RBFOX1: variants seen among roughly 807,000 people sequenced by gnomAD.
The protein encoded by RBFOX1 is RNA binding protein fox-1 homolog 1.
A neutral mutation model predicts 57.7 loss-of-function variants in RBFOX1; 8 were observed. That is an observed-to-expected ratio of 0.14 (90% CI 0.08 to 0.25). RBFOX1 has a LOEUF of 0.25. RBFOX1 is among the 10% of genes least tolerant of loss of function. The probability of loss-of-function intolerance (pLI) is 1.00; values close to 1 mark genes in which losing one functional copy is unlikely to be tolerated. For missense variants in RBFOX1, 611 were observed against 548.5 expected (o/e 1.11, Z -1.14); for synonymous variants, 326 against 222.4 (o/e 1.47, Z -4.15).
At chr16:6,009,247 G>T (rs1450928143) in intron 4 of RBFOX1, among the ~76,000 whole-genome samples, 2 of 152,198 alleles carry the variant, frequency 1.3e-5, no homozygotes, top group Middle Eastern at 3.4e-3. Flanking sequence ...AGCCACGATG[G>T]TACCTCATTC....
chr16:5,883,522 A>AAC (rs113756577), intron 4 of RBFOX1, among the ~76,000 whole-genome samples: 79,568 of 151,726 alleles, frequency 0.52, 22,562 homozygotes, highest in African/African-American at 0.75. Flanking sequence ...ACGGGTGGCA[A>AAC]ACCCACAGTC....
At chr16:5,622,251 G>C (rs1430631472) in intron 3 of RBFOX1, among the ~76,000 whole-genome samples, 2 of 152,192 alleles carry the variant, frequency 1.3e-5, no homozygotes, top group African/African-American at 4.8e-5. Flanking sequence ...CCAAGTTTGA[G>C]ATGTTAGGCT....
At chr16:6,426,282 G>C (rs1370460657) in intron 2 of RBFOX1, among the ~76,000 whole-genome samples, 1 of 152,066 alleles carries the variant, frequency 6.6e-6, no homozygotes, top group Non-Finnish European at 1.5e-5. Flanking sequence ...AAGAGAAAGA[G>C]AGAAGGGTGA....
chr16:7,159,519 C>G (rs540211949), intron 4 of RBFOX1, among the ~76,000 whole-genome samples: 1 of 152,150 alleles, frequency 6.6e-6, no homozygotes, highest in African/African-American at 2.4e-5. Context: ...ACGCTCCATG[C>G]GCTAGGACTA....
At chr16:6,301,022 C>T (rs917995342) in intron 1 of RBFOX1, among the ~76,000 whole-genome samples, 1 of 152,000 alleles carries the variant, frequency 6.6e-6, no homozygotes, top group East Asian at 1.9e-4. Context: ...AAAATGAACA[C>T]AAGTAACTTA....
chr16:6,660,774 G>C (rs111585606), intron 3 of RBFOX1, among the ~76,000 whole-genome samples: 1 of 58,396 alleles, frequency 1.7e-5, no homozygotes, highest in Admixed American at 2.1e-4. Context: ...TTTTATTTTT[G>C]CTGGTATCCA....
intron 3 of RBFOX1, among the ~76,000 whole-genome samples, chr16:6,860,421 G>T (rs902758894): frequency 3.3e-5 from 5 of 152,170 alleles, no homozygotes; most frequent in African/African-American, 9.7e-5. Context: ...AACACTACAC[G>T]TTGGCTAAGA....
At chr16:7,672,877 A>AAAAAAAAAAAAAAAAAAAAAC (rs1391445079) in intron 13 of RBFOX1, among the ~76,000 whole-genome samples, 1 of 149,676 alleles carries the variant, frequency 6.7e-6, no homozygotes, top group Non-Finnish European at 1.5e-5. Flanking sequence ...AAAAAAAAAA[A>AAAAAAAAAAAAAAAAAAAAAC]AAAAAAAAAA....
At chr16:7,302,982 C>T (rs943815196) in intron 4 of RBFOX1, among the ~76,000 whole-genome samples, 2 of 152,196 alleles carry the variant, frequency 1.3e-5, no homozygotes, top group Admixed American at 1.3e-4. Context: ...TTGTAATTTG[C>T]TCCCTGCAGC....
At chr16:7,094,397 G>GA (rs1299354398) in intron 4 of RBFOX1, among the ~76,000 whole-genome samples, 3 of 98,084 alleles carry the variant, frequency 3.1e-5, no homozygotes, top group African/African-American at 5.3e-5. Flanking sequence ...CATTCCAGGT[G>GA]AAAAAAAACA....
At chr16:7,127,402 A>C (rs536033755) in intron 4 of RBFOX1, among the ~76,000 whole-genome samples, 39 of 152,344 alleles carry the variant, frequency 2.6e-4, no homozygotes, top group African/African-American at 8.7e-4. Context: ...TTATCACCCT[A>C]TGCACTTAGC....
At chr16:5,958,758 T>A (rs28670231) in intron 4 of RBFOX1, among the ~76,000 whole-genome samples, 1 of 151,942 alleles carries the variant, frequency 6.6e-6, no homozygotes, top group African/African-American at 2.4e-5. Flanking sequence ...TTCCTTGCCT[T>A]GTCTAGCTTC....
intron 3 of RBFOX1, among the ~76,000 whole-genome samples, chr16:6,995,601 C>T (rs1184653500): frequency 2.0e-5 from 3 of 151,872 alleles, no homozygotes; most frequent in African/African-American, 2.4e-5. Flanking sequence ...CTCTACTAAA[C>T]ATACAAAAAT....
rs140533481 is a variant in RBFOX1 at position 5,575,387 on chromosome 16, T to G, written c.259-23515T>G. Among the ~76,000 whole-genome samples the G allele has an allele frequency of 1.1e-3, 164 of 152,318 alleles. 1 individual carries two copies. The highest frequency in any genetic ancestry group is 3.9e-3 in the African/African-American group (162 of 41,582). ...TCATTGAGTTCACATGCCCTGCGTG[T>G]CCTCTGTCTTAGGTGATCATCCTAA... is the stretch of plus-strand genomic sequence containing the variant. On this transcript the variant is annotated intron_variant, in intron 2 of 2. Transcript: ENST00000585867.
chr16:7,218,764 T>C lies in RBFOX1; in HGVS notation c.27+166666T>C, dbSNP rs142852577. ...TTTTAAAGTAGTTTTCAGCAGAGATTGCCTTTTATTTTTTCTCTTCTACTG... is the reference window on the plus strand; with the variant it reads ...TTTTAAAGTAGTTTTCAGCAGAGATCGCCTTTTATTTTTTCTCTTCTACTG... On this transcript the variant is annotated intron_variant, in intron 4 of 15. Coordinates refer to ENST00000550418, the MANE Select transcript of RBFOX1 (RefSeq NM_018723.4). 7.5e-4 allele frequency among the ~76,000 whole-genome samples: 113 copies of C among 151,650 alleles called. 2 individuals carry two copies. In the Middle Eastern group the frequency reaches 0.014, roughly 18 times the overall value.
intron 3 of RBFOX1, among the ~76,000 whole-genome samples, chr16:6,655,879 G>C (rs907248242): frequency 6.6e-6 from 1 of 152,168 alleles, no homozygotes; most frequent in Non-Finnish European, 1.5e-5. Flanking sequence ...TAATAAGGTG[G>C]TGGAGGACTT....
chr16:6,193,392 CT>C (rs2097157095), intron 1 of RBFOX1, among the ~76,000 whole-genome samples: 2 of 43,224 alleles, frequency 4.6e-5, no homozygotes, highest in Admixed American at 4.4e-4. Flanking sequence ...TATATATATA[CT>C]ATATATATAT....
In RBFOX1 at chr16:6,020,901, C is replaced by A. The variant is rs1049559802; in HGVS notation, c.-127+909C>A. 5.9e-5 allele frequency among the ~76,000 whole-genome samples: 9 copies of A among 152,266 alleles called. 2 individuals carry two copies. The highest frequency in any genetic ancestry group is 1.5e-5 in the Non-Finnish European group (1 of 68,014). The stretch of plus-strand genomic sequence containing the variant: ...CACTCAGCAAGGGAGGGGAAGACCC[C>A]GATCTAACCTTGTCCTGGAGCCCCC... On this transcript the variant is annotated intron_variant, in intron 1 of 15. Transcript: ENST00000550418.
intron 4 of RBFOX1, among the ~76,000 whole-genome samples, chr16:5,940,562 G>C (rs2059258826): frequency 6.6e-6 from 1 of 152,078 alleles, no homozygotes; most frequent in Non-Finnish European, 1.5e-5. Context: ...AGCTTGCTTT[G>C]GGAAATTATA....
Sources: allele counts gnomAD v4.1 joint callset (sites outside exome capture counted in the v4.1 genomes callset), GRCh38; gene constraint gnomAD v4.1.1; transcripts MANE v1.5; gene names NCBI Gene and HGNC (gene_info 2026-07-23, HGNC 2026-07-21).